The following GPR176 variants were observed in gnomAD, a reference collection of about 807,000 sequenced individuals.
The protein encoded by GPR176 is G protein-coupled receptor 176, also known as G-protein coupled receptor 176.
GPR176 carries 26 observed loss-of-function variants against 35.4 expected under a neutral mutation model. The observed-to-expected ratio is 0.74, with a 90% confidence interval of 0.54 to 1.02. GPR176 has a LOEUF of 1.02. Ranked by LOEUF, GPR176 falls within the 50% of genes least tolerant of loss-of-function variation. The probability of loss-of-function intolerance (pLI) is 0.00; values close to 1 mark genes in which losing one functional copy is unlikely to be tolerated. For synonymous variants in GPR176, 278 were observed against 271.3 expected (o/e 1.02, Z -0.24); for missense variants, 597 against 665.3 (o/e 0.90, Z 1.13).
intron 1 of GPR176, among the ~76,000 whole-genome samples, chr15:39,917,373 T>C (rs2140883157): frequency 6.6e-6 from 1 of 150,518 alleles, no homozygotes; most frequent in African/African-American, 2.4e-5. Flanking sequence ...CTCCACTCTG[T>C]TGCCCAGGCT....
intron 1 of GPR176, among the ~76,000 whole-genome samples, chr15:39,872,552 A>G (rs186612898): frequency 4.6e-5 from 7 of 152,306 alleles, no homozygotes; most frequent in Admixed American, 4.6e-4. Flanking sequence ...TGTGTGTATT[A>G]GAGCATTCTT....
chr15:39,885,055 T>C (rs941414705), intron 1 of GPR176, among the ~76,000 whole-genome samples: 2 of 152,224 alleles, frequency 1.3e-5, no homozygotes, highest in Non-Finnish European at 2.9e-5. Flanking sequence ...TCAGTTTTTT[T>C]CCCTTCAAGA....
chr15:39,819,197 C>T (rs1467188299), intron 1 of GPR176, among the ~76,000 whole-genome samples: 2 of 152,202 alleles, frequency 1.3e-5, no homozygotes, highest in African/African-American at 2.4e-5. Context: ...ATGGAGTGGA[C>T]GTGCAACAGC....
At chr15:39,813,933 C>G (rs1899734145) in intron 1 of GPR176, among the ~76,000 whole-genome samples, 1 of 152,140 alleles carries the variant, frequency 6.6e-6, no homozygotes, top group South Asian at 2.1e-4. Flanking sequence ...AAACAGCTTG[C>G]ACATTTTTAA....
intron 1 of GPR176, among the ~76,000 whole-genome samples, chr15:39,870,671 G>C (rs1415161813): frequency 2.0e-5 from 3 of 152,004 alleles, no homozygotes; most frequent in Admixed American, 6.6e-5. Flanking sequence ...CTTGAATGTG[G>C]GTGGGACCTG....
chr15:39,884,622 A>C (rs1388814487), intron 1 of GPR176, among the ~76,000 whole-genome samples: 2 of 152,184 alleles, frequency 1.3e-5, no homozygotes, highest in East Asian at 3.8e-4. Context: ...GTGTTCTCAT[A>C]GTTGCAAGAT....
At chr15:39,862,714 G>A (rs113353892) in intron 1 of GPR176, among the ~76,000 whole-genome samples, 4 of 152,270 alleles carry the variant, frequency 2.6e-5, no homozygotes, top group African/African-American at 9.6e-5. Context: ...AACCTGCACT[G>A]CCATTCATAT....
At chr15:39,907,814 C>G (rs80354500) in intron 1 of GPR176, among the ~76,000 whole-genome samples, 2,955 of 152,028 alleles carry the variant, frequency 0.019, 27 homozygotes, top group Non-Finnish European at 0.03. Flanking sequence ...ATATAAAAAG[C>G]TATTGATTAA....
intron 1 of GPR176, among the ~76,000 whole-genome samples, chr15:39,869,146 G>A (rs1218211861): frequency 1.0e-4 from 9 of 87,464 alleles, no homozygotes; most frequent in Non-Finnish European, 6.6e-5. Context: ...TCCCACAACT[G>A]CTTTTTAAAA....
intron 1 of GPR176, among the ~76,000 whole-genome samples, chr15:39,851,764 C>T (rs1376075332): frequency 2.6e-5 from 4 of 152,180 alleles, no homozygotes; most frequent in African/African-American, 7.2e-5. Context: ...TCGAGTAGCA[C>T]TTTTTTTCCC....
Position 39,807,030 on chromosome 15 carries a change from C to G in GPR176, c.401G>C (p.Ser134Thr). ...CCTGTCCAAAGCAATAGCAGGGAAG[C>G]TGAGGATGGTCACAGAGCAGAATAC... ...HKVFCSVTIL[S>T]FPAIALDRYY... The change falls in exon 2 of 3, where the codon AGC (serine) becomes ACC (threonine). Residue 134 changes from serine to threonine, a missense_variant. Around this residue, in one of 3 missense-constraint regions of GPR176, gnomAD observed 220 missense variants for 297.6 expected, o/e 0.74. Transcript: ENST00000561100. 1 of 1,613,414 alleles carries G rather than the reference C, an allele frequency of 6.2e-7. No homozygotes were observed. Among genetic ancestry groups the G allele is most frequent in the South Asian group, 1.1e-5 (1 of 90,998 alleles).
At chr15:39,852,321 C>A (rs2030930551) in intron 1 of GPR176, among the ~76,000 whole-genome samples, 1 of 152,070 alleles carries the variant, frequency 6.6e-6, no homozygotes. Context: ...AGTATAAGAC[C>A]TCAGAATCTT....
intron 1 of GPR176, among the ~76,000 whole-genome samples, chr15:39,909,525 A>T (rs2033521723): frequency 6.6e-6 from 1 of 152,226 alleles, no homozygotes; most frequent in African/African-American, 2.4e-5. Flanking sequence ...GTCCTGCTGC[A>T]TTATGCAAGT....
chr15:39,854,871 A>C (rs1299838000), intron 1 of GPR176, among the ~76,000 whole-genome samples: 2 of 151,682 alleles, frequency 1.3e-5, no homozygotes, highest in Non-Finnish European at 2.9e-5. Context: ...ACATCCCCCC[A>C]CCACACCCCT....
intron 1 of GPR176, among the ~76,000 whole-genome samples, chr15:39,847,037 T>C (rs1566949500): frequency 6.6e-6 from 1 of 152,024 alleles, no homozygotes; most frequent in Non-Finnish European, 1.5e-5. Flanking sequence ...GGAGAAAAAG[T>C]TTCTATTCCA....
chr15:39,837,498 C>T (rs1240274940), intron 1 of GPR176, among the ~76,000 whole-genome samples: 1 of 152,130 alleles, frequency 6.6e-6, no homozygotes, highest in Non-Finnish European at 1.5e-5. Context: ...TCCAATGTCA[C>T]CTTCTCCATG....
At chr15:39,850,067 G>C (rs2030747695) in intron 1 of GPR176, among the ~76,000 whole-genome samples, 1 of 152,156 alleles carries the variant, frequency 6.6e-6, no homozygotes, top group African/African-American at 2.4e-5. Flanking sequence ...TGGTACACTT[G>C]TATAGGGCAC....
At chr15:39,880,371 T>C (rs1408355425) in intron 1 of GPR176, among the ~76,000 whole-genome samples, 1 of 152,174 alleles carries the variant, frequency 6.6e-6, no homozygotes, top group Non-Finnish European at 1.5e-5. Context: ...TCTTTGACCA[T>C]TTATTTACTG....
rs575498150 is a variant in GPR176 at position 39,886,820 on chromosome 15, T to G, written c.172+33035A>C. ...CTAATAGCAAGGTGTCACATAATAG[T>G]GATCCTTAAGAGGGGGCTTTGTCCT... is the stretch of plus-strand genomic sequence containing the variant. On this transcript the variant is annotated intron_variant, in intron 1 of 2. Coordinates refer to ENST00000561100, the MANE Select transcript of GPR176 (RefSeq NM_007223.3). Among the ~76,000 whole-genome samples, 12 of 152,366 alleles carry G rather than the reference T, an allele frequency of 7.9e-5. No homozygotes were observed. In the South Asian group the frequency reaches 1.0e-3, roughly 13 times the overall value.
Sources: allele counts gnomAD v4.1 joint callset (sites outside exome capture counted in the v4.1 genomes callset), GRCh38; gene constraint gnomAD v4.1.1; regional missense constraint gnomAD v4.1.1; transcripts MANE v1.5; gene names NCBI Gene and HGNC (gene_info 2026-07-23, HGNC 2026-07-21).